The following MGST1 variants were observed in gnomAD, a reference collection of about 807,000 sequenced individuals.
The protein encoded by MGST1 is microsomal glutathione S-transferase 1, also known as glutathione S-transferase 12.
A neutral mutation model predicts 8.9 loss-of-function variants in MGST1; 5 were observed. The observed-to-expected ratio is 0.56, with a 90% CI of 0.29 to 1.19. MGST1 has a LOEUF of 1.19. Among genes scored for constraint, MGST1 ranks in the 50% most tolerant of loss-of-function variants. MGST1 has a pLI of 0.08. For missense variants in MGST1, 182 were observed against 187.4 expected, an observed-to-expected ratio of 0.97 and a Z score of 0.17; for synonymous variants, 54 against 67.8, an observed-to-expected ratio of 0.80 and a Z score of 1.00.
chr12:16,545,284 T>A (rs914279148), intron 4 of MGST1, among the ~76,000 whole-genome samples: 1 of 152,112 alleles, frequency 6.6e-6, no homozygotes, highest in African/African-American at 2.4e-5. Context: ...TAGGGTTGTA[T>A]GTTTAATAAA....
intron 4 of MGST1, among the ~76,000 whole-genome samples, chr12:16,567,164 C>T (rs1178116446): frequency 2.0e-5 from 3 of 151,978 alleles, no homozygotes; most frequent in Admixed American, 1.3e-4. Context: ...CCATTGCACT[C>T]CAGCCTGGGC....
chr12:16,374,119 C>T (rs544717294), intron 3 of MGST1, among the ~76,000 whole-genome samples: 4 of 152,080 alleles, frequency 2.6e-5, no homozygotes, highest in Non-Finnish European at 5.9e-5. Context: ...TTCTCAGAAA[C>T]GGTAGCTAAA....
intron 1 of MGST1, among the ~76,000 whole-genome samples, chr12:16,405,177 T>G (rs1276070390): frequency 6.6e-6 from 1 of 151,914 alleles, no homozygotes; most frequent in Non-Finnish European, 1.5e-5. Context: ...GAAATCAAAA[T>G]CGAGCTGAAC....
At chr12:16,486,017 C>T (rs1005568014) in intron 4 of MGST1, among the ~76,000 whole-genome samples, 2 of 152,188 alleles carry the variant, frequency 1.3e-5, no homozygotes, top group African/African-American at 4.8e-5. Context: ...TCTTACCTTG[C>T]CAGATGCTGA....
At chr12:16,591,723 A>G (rs1023980567), downstream of MGST1, among the ~76,000 whole-genome samples, 13 of 152,086 alleles carry the variant, frequency 8.5e-5, no homozygotes, top group African/African-American at 2.9e-4. The surrounding 1 kb of genome is among the most constrained non-coding windows in gnomAD (Gnocchi z 4.1). Flanking sequence ...AAGAGATGGA[A>G]CAATACAAAT....
intron 3 of MGST1, among the ~76,000 whole-genome samples, chr12:16,358,922 C>G (rs1342944378): frequency 6.6e-6 from 1 of 151,386 alleles, no homozygotes; most frequent in South Asian, 2.1e-4. Context: ...AAGTCTGAAG[C>G]CCCTCCCAAG....
chr12:16,380,180 C>T (rs1940435842), downstream of MGST1, among the ~76,000 whole-genome samples: 1 of 152,074 alleles, frequency 6.6e-6, no homozygotes, highest in African/African-American at 2.4e-5. Context: ...TTGCCTTCTG[C>T]TAGCTTTTGA....
In MGST1 at chr12:16,537,547, G is replaced by T. The variant is rs1941763254; in HGVS notation, n.483-51981G>T. Among the ~76,000 whole-genome samples, 1 of 152,194 alleles carries T rather than the reference G, an allele frequency of 6.6e-6. No homozygotes were observed. Among genetic ancestry groups the T allele is most frequent in the Admixed American group, 6.5e-5 (1 of 15,284 alleles). On this transcript the variant is annotated intron_variant and non_coding_transcript_variant, in intron 4 of 4. Coordinates refer to the MGST1 transcript ENST00000538857. The surrounding 1 kb of genome is among the most constrained non-coding windows in gnomAD (Gnocchi z 4.6). ...TGCCCTAGCAGAGATTCTCCATGAG[G>T]GCCCTGCCTCTGCAGCACACTTTTG... is the stretch of plus-strand genomic sequence containing the variant.
chr12:16,570,270 T>G (rs1055936097), intron 4 of MGST1, among the ~76,000 whole-genome samples: 1 of 152,190 alleles, frequency 6.6e-6, no homozygotes, highest in African/African-American at 2.4e-5. Flanking sequence ...TGAAGTCTTT[T>G]GATATCTTTA....
intron 4 of MGST1, among the ~76,000 whole-genome samples, chr12:16,471,770 G>A (rs1325724633): frequency 6.6e-6 from 1 of 152,102 alleles, no homozygotes; most frequent in Non-Finnish European, 1.5e-5. Context: ...CCAGAATGTA[G>A]GCCTACAAAT....
rs1255051019 is a variant in MGST1, at chr12:16,586,516, A to G, written n.483-3012A>G. Among the ~76,000 whole-genome samples the G allele has an allele frequency of 6.6e-6, 1 of 152,154 alleles. No homozygotes were observed. Among genetic ancestry groups the G allele is most frequent in the Non-Finnish European group, 1.5e-5 (1 of 68,012 alleles). On this transcript the variant is annotated intron_variant and non_coding_transcript_variant, in intron 4 of 4. Coordinates refer to the MGST1 transcript ENST00000538857. The surrounding 1 kb of genome is among the most constrained non-coding windows in gnomAD (Gnocchi z 4.3). Reference sequence around the variant, plus strand: ...CATTATCTTCTACGTCCACAGAAAAAAATCTGTTGTATAATATTGTCAGAT... The same window carrying G: ...CATTATCTTCTACGTCCACAGAAAAGAATCTGTTGTATAATATTGTCAGAT...
chr12:16,399,598 C>A (rs1032556014), intron 1 of MGST1: 15 of 1,607,240 alleles, frequency 9.3e-6, no homozygotes, highest in Admixed American at 8.3e-5. Context: ...AAAGTCTCAT[C>A]TTCAATTTCA....
intron 4 of MGST1, among the ~76,000 whole-genome samples, chr12:16,498,194 C>T (rs1205991209): frequency 6.6e-6 from 1 of 152,054 alleles, no homozygotes; most frequent in South Asian, 2.1e-4. Flanking sequence ...AGACATTTTT[C>T]AAAATCCAAA....
At chr12:16,507,796 C>T (rs893562273) in intron 4 of MGST1, among the ~76,000 whole-genome samples, 9 of 151,992 alleles carry the variant, frequency 5.9e-5, no homozygotes, top group African/African-American at 1.2e-4. Flanking sequence ...AGGAAATCTG[C>T]CCCCATGATT....
At chr12:16,507,885 A>G (rs558622295) in intron 4 of MGST1, among the ~76,000 whole-genome samples, 1 of 152,316 alleles carries the variant, frequency 6.6e-6, no homozygotes, top group South Asian at 2.1e-4. Context: ...ACACAGAGCC[A>G]AACCATATCA....
At chr12:16,529,633 A>G (rs925328208) in intron 4 of MGST1, among the ~76,000 whole-genome samples, 4 of 152,080 alleles carry the variant, frequency 2.6e-5, no homozygotes, top group Non-Finnish European at 4.4e-5. Context: ...GAGATGGCCA[A>G]TGAATATTAG....
chr12:16,544,117 G>C lies in MGST1; in HGVS notation n.483-45411G>C, dbSNP rs971946297. 4.6e-5 allele frequency among the ~76,000 whole-genome samples: 7 copies of C among 151,910 alleles called. No homozygotes were observed. The highest frequency in any genetic ancestry group is 3.2e-3 in the Middle Eastern group (1 of 316). On this transcript the variant is annotated intron_variant and non_coding_transcript_variant, in intron 4 of 4. Coordinates refer to the MGST1 transcript ENST00000538857. The surrounding 1 kb of genome is among the most constrained non-coding windows in gnomAD (Gnocchi z 4.8). ...CTGGAACAGTTCACAGCATCTTACT[G>C]TGCTGCACTGCGTTTTTCTCATGCC...
rs1173060050 is a variant in MGST1 at position 16,537,637 on chromosome 12, C to T, written n.483-51891C>T. On this transcript the variant is annotated intron_variant and non_coding_transcript_variant, in intron 4 of 4. Transcript: ENST00000538857. The surrounding 1 kb of genome is among the most constrained non-coding windows in gnomAD (Gnocchi z 4.6). Reference sequence around the variant, plus strand: ...AGGTGGAGGTTCCCAAACCTCAATTCTTGACTTCTGTGCACCTGCAGACTC... The same window carrying T: ...AGGTGGAGGTTCCCAAACCTCAATTTTTGACTTCTGTGCACCTGCAGACTC... Among the ~76,000 whole-genome samples the T allele has an allele frequency of 2.6e-5, 4 of 152,232 alleles. No individual in the cohort carries two copies. The highest frequency in any genetic ancestry group is 9.6e-5 in the African/African-American group (4 of 41,470).
chr12:16,402,861 T>C (rs1940669211), intron 1 of MGST1, among the ~76,000 whole-genome samples: 1 of 151,214 alleles, frequency 6.6e-6, no homozygotes, highest in Non-Finnish European at 1.5e-5. Context: ...ATGTCCTTTC[T>C]TCTTTATAGA....
Sources: gnomAD v4.1 joint callset for allele counts (sites outside exome capture counted in the v4.1 genomes callset) on GRCh38, gnomAD v4.1.1 for gene constraint, Gnocchi (gnomAD v3.1) non-coding constraint, MANE v1.5 for transcripts, NCBI Gene and HGNC (gene_info 2026-07-23, HGNC 2026-07-21) for gene names.